HTT: variants seen among roughly 807,000 people sequenced by gnomAD.
The protein encoded by HTT is huntingtin, also known as huntington disease protein.
Under a neutral mutation model 362.3 loss-of-function variants are expected in HTT, and 104 were observed. That is an observed-to-expected ratio of 0.29 (90% confidence interval 0.24 to 0.34). The LOEUF is 0.34. Among genes scored for constraint, HTT ranks in the 10% least tolerant of loss-of-function variants. The probability of loss-of-function intolerance (pLI) is 1.00; values close to 1 mark genes in which losing one functional copy is unlikely to be tolerated. For synonymous variants in HTT, 1,577 were observed against 1,548.7 expected, an observed-to-expected ratio of 1.02 and a Z score of -0.43; for missense variants, 3,301 against 3,928.6, an observed-to-expected ratio of 0.84 and a Z score of 4.27.
intron 55 of HTT, 99 bp from the exon 56 acceptor site, chr4:3,223,893 C>CTAA: frequency 7.9e-7 from 1 of 1,262,768 alleles, no homozygotes; most frequent in Non-Finnish European, 1.1e-6. Flanking sequence ...GGTATTACAC[C>CTAA]AGGTTCCTTT....
intron 53 of HTT, among the ~76,000 whole-genome samples, chr4:3,221,044 G>A (rs1400553514): frequency 6.6e-6 from 1 of 152,102 alleles, no homozygotes; most frequent in Non-Finnish European, 1.5e-5. Flanking sequence ...TCTTGTGGTG[G>A]GACTGTAATC....
chr4:3,188,788 T>G (rs953231106), intron 39 of HTT, 163 bp from the exon 40 acceptor site: 7 of 629,236 alleles, frequency 1.1e-5, no homozygotes. Context: ...AGAGACCAAG[T>G]GACTGTGTCC....
intron 21 of HTT, among the ~76,000 whole-genome samples, chr4:3,140,247 T>A (rs1489111125): frequency 7.0e-6 from 1 of 143,104 alleles, no homozygotes; most frequent in African/African-American, 2.6e-5. Context: ...GGCCACAGAG[T>A]GACATTCTGT....
chr4:3,078,222 T>C (rs1366698398), intron 1 of HTT, among the ~76,000 whole-genome samples: 1 of 152,250 alleles, frequency 6.6e-6, no homozygotes, highest in Non-Finnish European at 1.5e-5. Flanking sequence ...TTTCCCTGAC[T>C]TTATTCATTC....
Position 3,156,833 on chromosome 4 carries a change from T to C in HTT, c.3626-239T>C, listed in dbSNP as rs183859243. On this transcript the variant is annotated intron_variant, in intron 27 of 66. Coordinates refer to ENST00000355072, the MANE Select transcript of HTT (RefSeq NM_001388492.1). ...GATTTCTCACAAAGCAAACAAGCAA[T>C]CATAACAAAACAACTGTGCACACTG... 1.6e-3 allele frequency among the ~76,000 whole-genome samples: 241 copies of C among 152,288 alleles called. 1 individual carries two copies. The highest frequency in any genetic ancestry group is 5.5e-3 in the African/African-American group (230 of 41,550).
chr4:3,147,491 A>C (rs1716665778), intron 25 of HTT, among the ~76,000 whole-genome samples: 1 of 152,212 alleles, frequency 6.6e-6, no homozygotes, highest in African/African-American at 2.4e-5. Context: ...AGAAGTTGCC[A>C]ATCTCCATGA....
intron 2 of HTT, among the ~76,000 whole-genome samples, chr4:3,091,085 C>T (rs1713481595): frequency 6.6e-6 from 1 of 152,110 alleles, no homozygotes; most frequent in Non-Finnish European, 1.5e-5. Flanking sequence ...GCATTCCAGC[C>T]TGGGCGACAA....
At chr4:3,112,289 A>G (rs1027595731) in intron 6 of HTT, among the ~76,000 whole-genome samples, 10 of 152,206 alleles carry the variant, frequency 6.6e-5, no homozygotes, top group Admixed American at 2.6e-4. Context: ...CAGGAAATGT[A>G]CATACCATAC....
At chr4:3,232,816 A>G (rs1578614320) in intron 60 of HTT, among the ~76,000 whole-genome samples, 2 of 152,190 alleles carry the variant, frequency 1.3e-5, no homozygotes, top group South Asian at 4.2e-4. Context: ...CACACTAGAG[A>G]CTCGGTGCCA....
intron 41 of HTT, among the ~76,000 whole-genome samples, chr4:3,201,581 ATAAT>A (rs1163183173): frequency 6.6e-6 from 1 of 151,932 alleles, no homozygotes; most frequent in Non-Finnish European, 1.5e-5. Context: ...TTTTAACCTA[ATAAT>A]TAAATTTCAA....
intron 15 of HTT, 100 bp downstream of exon 15, chr4:3,131,497 A>C (rs2110188707): frequency 6.9e-7 from 1 of 1,459,544 alleles, no homozygotes; most frequent in African/African-American, 1.4e-5. Context: ...GAGGAAGTAG[A>C]ATCTGAGGAT....
chr4:3,221,698 G>A (rs554034187), intron 53 of HTT, among the ~76,000 whole-genome samples: 2 of 152,290 alleles, frequency 1.3e-5, no homozygotes, highest in African/African-American at 4.8e-5. Context: ...ATCATGATGG[G>A]GACATGAAGC....
In HTT at chr4:3,136,060, G is replaced by A. The variant is rs1266297927; in HGVS notation, c.2697+93G>A. On this transcript the variant is annotated intron_variant, in intron 20 of 66. Transcript: ENST00000355072. ...GAATTTCTCTAAATGCATTCGTCATGTTTTAGATGTTTATTTCACAGTTTA... is the reference window on the plus strand; with the variant it reads ...GAATTTCTCTAAATGCATTCGTCATATTTTAGATGTTTATTTCACAGTTTA... The A allele has an allele frequency of 3.1e-6, 3 of 965,758 alleles. No individual in the cohort carries two copies. In the African/African-American group the frequency reaches 4.9e-5, roughly 16 times the overall value. 59.8% of individuals were successfully genotyped at this position (965,758 alleles called of 1,614,324 possible).
chr4:3,236,339 C>T (rs1578618144), intron 64 of HTT, 85 bp downstream of exon 64: 1 of 935,712 alleles, frequency 1.1e-6, no homozygotes, highest in East Asian at 2.4e-5. Flanking sequence ...TCTGCTGATC[C>T]CCTGGCGCTG....
chr4:3,184,427 T>C (rs1163779060), intron 37 of HTT, among the ~76,000 whole-genome samples: 1 of 151,822 alleles, frequency 6.6e-6, no homozygotes, highest in Non-Finnish European at 1.5e-5. Flanking sequence ...TCATTCTTAT[T>C]CCTGAGTTGA....
At chr4:3,080,535 C>G (rs1055649482) in intron 1 of HTT, among the ~76,000 whole-genome samples, 2 of 152,166 alleles carry the variant, frequency 1.3e-5, no homozygotes, top group African/African-American at 4.8e-5. Flanking sequence ...TGTAAAAACT[C>G]TCCCTTCCTT....
chr4:3,168,088 C>T (rs550801448), intron 29 of HTT, among the ~76,000 whole-genome samples: 1 of 152,270 alleles, frequency 6.6e-6, no homozygotes, highest in Non-Finnish European at 1.5e-5. Flanking sequence ...TGCACTTGGC[C>T]CCTGACTGTT....
intron 49 of HTT, 46 bp downstream of exon 49, chr4:3,212,755 T>A: frequency 3.7e-6 from 6 of 1,605,642 alleles, no homozygotes; most frequent in Non-Finnish European, 5.1e-6. Flanking sequence ...GGAGGGGGCA[T>A]GGGGCTGACA....
intron 61 of HTT, among the ~76,000 whole-genome samples, chr4:3,234,117 C>T (rs1460513328): frequency 2.0e-5 from 3 of 152,174 alleles, no homozygotes; most frequent in Admixed American, 6.5e-5. Flanking sequence ...GGGCAGGAAA[C>T]GGGGGCTAGG....
Sources: allele counts gnomAD v4.1 joint callset (sites outside exome capture counted in the v4.1 genomes callset), GRCh38; gene constraint gnomAD v4.1.1; transcripts MANE v1.5; gene names NCBI Gene and HGNC (gene_info 2026-07-23, HGNC 2026-07-21).